The following PFDN1 variants were observed in gnomAD, a reference collection of about 807,000 sequenced individuals.
PFDN1 encodes the protein prefoldin subunit 1, also known as prefoldin 1.
A neutral mutation model predicts 17.3 loss-of-function variants in PFDN1; 6 were observed. That is an observed-to-expected ratio of 0.35 (90% CI 0.19 to 0.69). The LOEUF is 0.69. Among genes scored for constraint, PFDN1 ranks in the 30% least tolerant of loss-of-function variants. PFDN1 has a pLI of 0.65. For synonymous variants in PFDN1, 58 were observed against 50.1 expected (o/e 1.16, Z -0.67); for missense variants, 113 against 146.2 (o/e 0.77, Z 1.17).
intron 3 of PFDN1, among the ~76,000 whole-genome samples, chr5:140,255,863 A>C (rs929443681): frequency 6.6e-6 from 1 of 152,022 alleles, no homozygotes; most frequent in Non-Finnish European, 1.5e-5. Context: ...AAACTTCTTG[A>C]ATCGGTTTTC....
intron 3 of PFDN1, among the ~76,000 whole-genome samples, chr5:140,259,567 T>G (rs749850111): frequency 2.6e-5 from 4 of 152,182 alleles, no homozygotes; most frequent in Non-Finnish European, 5.9e-5. Flanking sequence ...TGCCAATATT[T>G]CAGTTTGTCC....
At chr5:140,298,898 G>A (rs1765693010) in intron 2 of PFDN1, among the ~76,000 whole-genome samples, 1 of 151,902 alleles carries the variant, frequency 6.6e-6, no homozygotes, top group Admixed American at 6.6e-5. Flanking sequence ...TTACAGGTGT[G>A]CGCCACCATG....
chr5:140,278,573 A>C (rs55659117), intron 3 of PFDN1, among the ~76,000 whole-genome samples: 63 of 115,490 alleles, frequency 5.5e-4, no homozygotes, highest in East Asian at 1.5e-3. Flanking sequence ...AAAAAAAAAA[A>C]AAAAAAAAAA....
At chr5:140,269,021 G>A (rs1765169670) in intron 3 of PFDN1, among the ~76,000 whole-genome samples, 1 of 152,038 alleles carries the variant, frequency 6.6e-6, no homozygotes, top group African/African-American at 2.4e-5. Flanking sequence ...TATTTTTTAT[G>A]TATTTTTTGA....
chr5:140,283,059 T>C (rs531397583), intron 2 of PFDN1, among the ~76,000 whole-genome samples: 1 of 152,304 alleles, frequency 6.6e-6, no homozygotes, highest in Non-Finnish European at 1.5e-5. Context: ...TTATTATAGA[T>C]ATAAGACAAG....
At chr5:140,247,048 T>C (rs1764840358) in intron 3 of PFDN1, among the ~76,000 whole-genome samples, 2 of 152,312 alleles carry the variant, frequency 1.3e-5, no homozygotes, top group East Asian at 1.9e-4. Flanking sequence ...TTGATTCTGT[T>C]CCACCCATTA....
At chr5:140,248,942 G>A (rs1764870373) in intron 3 of PFDN1, among the ~76,000 whole-genome samples, 2 of 152,214 alleles carry the variant, frequency 1.3e-5, no homozygotes, top group Non-Finnish European at 1.5e-5. Flanking sequence ...AGAGGCATGT[G>A]CCACGATACT....
chr5:140,288,467 G>C (rs1765530528), intron 2 of PFDN1, among the ~76,000 whole-genome samples: 2 of 152,182 alleles, frequency 1.3e-5, no homozygotes, highest in African/African-American at 4.8e-5. Flanking sequence ...TTGGGGGACA[G>C]TGAAACTATA....
intron 3 of PFDN1, chr5:140,265,668 T>C (rs766998326): frequency 1.6e-4 from 24 of 152,160 alleles, no homozygotes; most frequent in Admixed American, 2.0e-4. Flanking sequence ...CATTGATCTA[T>C]GAATAAGCAG....
chr5:140,249,070 A>G (rs1163915488), intron 3 of PFDN1, among the ~76,000 whole-genome samples: 2 of 152,220 alleles, frequency 1.3e-5, no homozygotes, highest in Admixed American at 1.3e-4. Flanking sequence ...CTGTATTTCA[A>G]TAATTCCTGT....
At chr5:140,300,732 A>C (rs1765731550) in intron 1 of PFDN1, 150 bp from the exon 2 acceptor site, 2 of 585,268 alleles carry the variant, frequency 3.4e-6, no homozygotes, top group East Asian at 2.9e-5. Flanking sequence ...AACTGTAAAC[A>C]ATCAAGTCAC....
intron 2 of PFDN1, among the ~76,000 whole-genome samples, chr5:140,287,289 C>G (rs151074511): frequency 6.6e-6 from 1 of 152,112 alleles, no homozygotes; most frequent in Non-Finnish European, 1.5e-5. Context: ...CCTGTGGTAT[C>G]GAAGAGTCGG....
At chr5:140,258,922 G>A (rs1268099185) in intron 3 of PFDN1, among the ~76,000 whole-genome samples, 1 of 152,232 alleles carries the variant, frequency 6.6e-6, no homozygotes, top group Non-Finnish European at 1.5e-5. Flanking sequence ...CGTGGTACTT[G>A]AAGTCGTGAG....
chr5:140,293,738 GT>G (rs764005408), intron 2 of PFDN1, among the ~76,000 whole-genome samples: 8 of 152,022 alleles, frequency 5.3e-5, no homozygotes, highest in Non-Finnish European at 1.0e-4. Flanking sequence ...TGAACATCAA[GT>G]TTTTAAATCA....
intron 1 of PFDN1, among the ~76,000 whole-genome samples, chr5:140,301,504 T>C (rs935135770): frequency 1.3e-5 from 2 of 152,238 alleles, no homozygotes; most frequent in African/African-American, 4.8e-5. Context: ...TAATTTTTAT[T>C]GTGACCTTGT....
At chr5:140,300,042 A>C (rs932789834) in intron 2 of PFDN1, among the ~76,000 whole-genome samples, 1 of 151,528 alleles carries the variant, frequency 6.6e-6, no homozygotes, top group Non-Finnish European at 1.5e-5. Flanking sequence ...CTTTAAACCA[A>C]AGTTTCTTTT....
chr5:140,271,327 T>C (rs947208510), intron 3 of PFDN1, among the ~76,000 whole-genome samples: 2 of 152,196 alleles, frequency 1.3e-5, no homozygotes, highest in Non-Finnish European at 2.9e-5. Context: ...TACATTTTTA[T>C]AAATGTTAAG....
At chr5:140,249,971 AG>A (rs772061498) in intron 3 of PFDN1, among the ~76,000 whole-genome samples, 1 of 152,100 alleles carries the variant, frequency 6.6e-6, no homozygotes. Context: ...GAGACCTGCC[AG>A]GGGGCAAAGA....
chr5:140,284,436 T>A (rs1217516665), intron 2 of PFDN1, among the ~76,000 whole-genome samples: 3 of 152,216 alleles, frequency 2.0e-5, no homozygotes, highest in Non-Finnish European at 4.4e-5. Flanking sequence ...CCAAGAAACA[T>A]CTGATTTCTG....
Sources: allele counts gnomAD v4.1 joint callset (sites outside exome capture counted in the v4.1 genomes callset), GRCh38; gene constraint gnomAD v4.1.1; transcripts MANE v1.5; gene names NCBI Gene and HGNC (gene_info 2026-07-23, HGNC 2026-07-21).